ACSF3: variants seen among roughly 807,000 people sequenced by gnomAD.
ACSF3 encodes acyl-CoA synthetase family member 3.
A neutral mutation model predicts 53.2 loss-of-function variants in ACSF3; 78 were observed. That is an observed-to-expected ratio of 1.47 (90% CI 1.22 to 1.77). The LOEUF (loss-of-function observed/expected upper bound fraction) is 1.77. Among genes scored for constraint, ACSF3 ranks in the 40% most tolerant of loss-of-function variants. The pLI is 0.00. For missense variants in ACSF3, 937 were observed against 771.1 expected, an observed-to-expected ratio of 1.22 and a Z score of -2.55; for synonymous variants, 414 against 333.1, an observed-to-expected ratio of 1.24 and a Z score of -2.65.
At chr16:89,096,215 G>T (rs1015363838) in intron 1 of ACSF3, among the ~76,000 whole-genome samples, 1 of 124,562 alleles carries the variant, frequency 8.0e-6, no homozygotes, top group Non-Finnish European at 1.8e-5. Flanking sequence ...AGGGTGCTGC[G>T]TAGCAGGGGT....
intron 8 of ACSF3, chr16:89,145,032 ACC>A: frequency 8.8e-7 from 1 of 1,142,622 alleles, no homozygotes. Context: ...GGAAGGGCAG[ACC>A]CCACATCATG....
rs781409702 is a variant in ACSF3 at position 89,155,207 on chromosome 16, C to G, written c.*1000C>G. On this transcript the variant is annotated 3_prime_UTR_variant, in exon 11 of 11. Coordinates refer to ENST00000614302, the MANE Select transcript of ACSF3 (RefSeq NM_001243279.3). The stretch of plus-strand genomic sequence containing the variant: ...AATTTTCAGAAGAATAGGCTGCCTC[C>G]TCCCCACAGCCTGGGGGAAGTAACA... The G allele has an allele frequency of 7.7e-5, 35 of 454,172 alleles. No homozygotes were observed. Among genetic ancestry groups the G allele is most frequent in the Middle Eastern group, 6.9e-4 (1 of 1,444 alleles). The allele number at this position is 454,172 out of a possible 1,614,324, so 28.1% of individuals were successfully genotyped here. A position where few individuals can be genotyped will look rare whatever the true frequency, so the allele number is the denominator to read the frequency against.
chr16:89,124,670 C>T (rs530491119), intron 7 of ACSF3, among the ~76,000 whole-genome samples: 2 of 147,754 alleles, frequency 1.4e-5, no homozygotes, highest in African/African-American at 5.1e-5. Context: ...GCACGCACTG[C>T]GTGTGTCACA....
intron 8 of ACSF3, among the ~76,000 whole-genome samples, chr16:89,138,194 C>T (rs894814199): frequency 1.2e-4 from 18 of 152,210 alleles, no homozygotes; most frequent in African/African-American, 4.3e-4. Flanking sequence ...CAGCCTCCCA[C>T]AGCCTCTCCC....
rs759618916 is a variant in ACSF3 at position 89,093,910 on chromosome 16, C to T, written c.-280C>T. 1 of 328,008 alleles carries T rather than the reference C, an allele frequency of 3.0e-6. No homozygotes were observed. The highest frequency in any genetic ancestry group is 2.1e-5 in the South Asian group (1 of 47,670). 20.3% of individuals were successfully genotyped at this position (328,008 alleles called of 1,614,324 possible). A position where few individuals can be genotyped will look rare whatever the true frequency, so the allele number is the denominator to read the frequency against. ...GACCCCGCGGGACCCGGCCGGAACC[C>T]GGCCCGACCCCGGCGCGCGCGCGGC... On this transcript the variant is annotated 5_prime_UTR_variant, in exon 1 of 11. Transcript: ENST00000614302.
chr16:89,111,525 G>A (rs1267771935), intron 4 of ACSF3, among the ~76,000 whole-genome samples: 1 of 152,252 alleles, frequency 6.6e-6, no homozygotes, highest in Non-Finnish European at 1.5e-5. Context: ...CGCGGGTAGA[G>A]AGGGCCATGG....
intron 6 of ACSF3, among the ~76,000 whole-genome samples, chr16:89,118,552 C>T (rs1289221166): frequency 1.2e-5 from 1 of 84,186 alleles, no homozygotes; most frequent in Non-Finnish European, 2.8e-5. Flanking sequence ...GTGCACTGTC[C>T]GTGCTCGGAA....
At chr16:89,127,077 C>T (rs1908276140) in intron 7 of ACSF3, among the ~76,000 whole-genome samples, 1 of 152,130 alleles carries the variant, frequency 6.6e-6, no homozygotes, top group Non-Finnish European at 1.5e-5. Context: ...CCACTTGGTC[C>T]TGGTGGGTCA....
Position 89,133,155 on chromosome 16 carries a change from A to G in ACSF3, c.1259A>G (p.Glu420Gly). The G allele has an allele frequency of 6.2e-7, 1 of 1,613,990 alleles. No individual in the cohort carries two copies. Among genetic ancestry groups the G allele is most frequent in the Non-Finnish European group, 8.5e-7 (1 of 1,180,012 alleles). The change falls in exon 8 of 11, where the codon GAA becomes GGA. Residue 420 changes from glutamate to glycine, a missense_variant. Physicochemically the swap from Glu to Gly is moderately conservative, Grantham distance 98 (BLOSUM62 -2). Coordinates refer to ENST00000614302, the MANE Select transcript of ACSF3 (RefSeq NM_001243279.3). Reference protein sequence around the residue: ...RGTKVTPGFEEKEGELLVRGP... With the variant: ...RGTKVTPGFEGKEGELLVRGP... ...CCACAGGTGACCCCAGGGTTTGAAG[A>G]AAAGGAGGGGGAGCTGCTGGTGAGG... is the stretch of plus-strand genomic sequence containing the variant.
intron 8 of ACSF3, among the ~76,000 whole-genome samples, chr16:89,134,328 A>G (rs1248199905): frequency 6.6e-6 from 1 of 151,194 alleles, no homozygotes; most frequent in East Asian, 1.9e-4. Flanking sequence ...CATGGAACCC[A>G]GTGACTAGTG....
chr16:89,096,447 G>A (rs757278439), intron 1 of ACSF3, among the ~76,000 whole-genome samples: 1 of 152,178 alleles, frequency 6.6e-6, no homozygotes, highest in African/African-American at 2.4e-5. Flanking sequence ...CTCTGTCTGC[G>A]TGTTCGAGGC....
chr16:89,099,217 C>T (rs1002773591), intron 2 of ACSF3, among the ~76,000 whole-genome samples: 1 of 152,266 alleles, frequency 6.6e-6, no homozygotes, highest in East Asian at 1.9e-4. Context: ...TGGGCAGTGT[C>T]CTCTGGCTGC....
intron 7 of ACSF3, among the ~76,000 whole-genome samples, chr16:89,124,298 GCA>G (rs1223263301): frequency 6.6e-6 from 1 of 152,188 alleles, no homozygotes; most frequent in African/African-American, 2.4e-5. Flanking sequence ...GGGCGCGTGT[GCA>G]CACTGCATAT....
At chr16:89,130,940 A>G (rs1265558216) in intron 7 of ACSF3, among the ~76,000 whole-genome samples, 1 of 152,008 alleles carries the variant, frequency 6.6e-6, no homozygotes, top group Non-Finnish European at 1.5e-5. Context: ...TCTGTCTTCA[A>G]GTTGTCACGT....
intron 2 of ACSF3, among the ~76,000 whole-genome samples, chr16:89,099,881 GAA>G (rs1485698663): frequency 1.3e-5 from 2 of 149,250 alleles, no homozygotes; most frequent in Admixed American, 1.4e-4. Context: ...AGGAGAGAGA[GAA>G]AGAAAAGAAA....
At chr16:89,123,384 G>T (rs757753580) in intron 7 of ACSF3, among the ~76,000 whole-genome samples, 2 of 152,204 alleles carry the variant, frequency 1.3e-5, no homozygotes, top group Non-Finnish European at 2.9e-5. Context: ...ACTCGCAGAC[G>T]CACTTGGTAC....
At chr16:89,115,770 C>A (rs763832834) in intron 6 of ACSF3, among the ~76,000 whole-genome samples, 2 of 152,190 alleles carry the variant, frequency 1.3e-5, no homozygotes, top group Non-Finnish European at 2.9e-5. Flanking sequence ...GGTGGTGTCT[C>A]GTTGAGTTCA....
chr16:89,112,363 C>A, intron 5 of ACSF3, 117 bp downstream of exon 5: 1 of 1,370,962 alleles, frequency 7.3e-7, no homozygotes, highest in Non-Finnish European at 1.0e-6. Context: ...CATTTCCTTT[C>A]AATGTTCCCT....
At chr16:89,111,237 C>T (rs1976639811) in intron 4 of ACSF3, among the ~76,000 whole-genome samples, 1 of 152,232 alleles carries the variant, frequency 6.6e-6, no homozygotes, top group Non-Finnish European at 1.5e-5. Context: ...TTGAAGGGTT[C>T]CAGTCTTTGT....
Sources: allele counts gnomAD v4.1 joint callset (sites outside exome capture counted in the v4.1 genomes callset), GRCh38; gene constraint gnomAD v4.1.1; transcripts MANE v1.5; gene names NCBI Gene and HGNC (gene_info 2026-07-23, HGNC 2026-07-21).